The following DGKB variants were observed in gnomAD, a reference collection of about 807,000 sequenced individuals.
The protein encoded by DGKB is 90 kDa diacylglycerol kinase.
In DGKB, 67 loss-of-function variants were observed where a neutral mutation model predicts 114.3. The ratio of observed to expected loss-of-function variants is 0.59; its 90% confidence interval spans 0.48 to 0.72. The LOEUF (loss-of-function observed/expected upper bound fraction) is 0.72, where lower values mean the gene tolerates loss of function less well. Among genes scored for constraint, DGKB ranks in the 30% least tolerant of loss-of-function variants. The pLI is 0.00. For synonymous variants in DGKB, 398 were observed against 323.1 expected (o/e 1.23, Z -2.49); for missense variants, 907 against 975.2 (o/e 0.93, Z 0.93).
intron 6 of DGKB, among the ~76,000 whole-genome samples, chr7:14,712,845 A>G (rs1183087166): frequency 6.6e-6 from 1 of 152,084 alleles, no homozygotes; most frequent in African/African-American, 2.4e-5. Context: ...CAAATTATAT[A>G]GTAAGACTAT....
chr7:14,456,258 TA>T (rs1324930868), intron 21 of DGKB, among the ~76,000 whole-genome samples: 2 of 151,992 alleles, frequency 1.3e-5, no homozygotes, highest in Admixed American at 6.6e-5. Flanking sequence ...TCCCAAAATA[TA>T]AAAAAGTCTG....
At chr7:14,515,096 G>C (rs919302983) in intron 20 of DGKB, among the ~76,000 whole-genome samples, 1 of 152,146 alleles carries the variant, frequency 6.6e-6, no homozygotes, top group Admixed American at 6.6e-5. Flanking sequence ...CCAACTCAGA[G>C]CTGAGACGTT....
At chr7:14,348,616 C>A (rs1468159001) in intron 21 of DGKB, among the ~76,000 whole-genome samples, 1 of 151,716 alleles carries the variant, frequency 6.6e-6, no homozygotes, top group Admixed American at 6.6e-5. Context: ...TAAAAAAAAT[C>A]TTGAATATAT....
intron 8 of DGKB, among the ~76,000 whole-genome samples, chr7:14,694,967 A>G (rs575582014): frequency 6.6e-6 from 1 of 152,350 alleles, no homozygotes; most frequent in Non-Finnish European, 1.5e-5. Context: ...TAATGGCGTC[A>G]AGATGGCAAA....
intron 20 of DGKB, among the ~76,000 whole-genome samples, chr7:14,552,564 T>C (rs903935190): frequency 6.6e-6 from 1 of 152,216 alleles, no homozygotes; most frequent in Admixed American, 6.5e-5. Flanking sequence ...CCCTATTTCA[T>C]TGTTGCACAT....
At chr7:14,581,548 C>T (rs190936596) in intron 18 of DGKB, among the ~76,000 whole-genome samples, 2 of 152,188 alleles carry the variant, frequency 1.3e-5, no homozygotes, top group Non-Finnish European at 1.5e-5. Flanking sequence ...ATCTTTACAT[C>T]ACATAATGCT....
At chr7:14,660,658 C>G (rs1816862768) in intron 13 of DGKB, among the ~76,000 whole-genome samples, 1 of 151,720 alleles carries the variant, frequency 6.6e-6, no homozygotes, top group Non-Finnish European at 1.5e-5. Context: ...GATGCCATCC[C>G]CATCAAGCTA....
intron 1 of DGKB, among the ~76,000 whole-genome samples, chr7:14,896,828 TG>T (rs895614500): frequency 5.3e-5 from 8 of 151,748 alleles, no homozygotes; most frequent in Non-Finnish European, 1.2e-4. Flanking sequence ...CCTAAGAAAA[TG>T]ATGAAACTCA....
At chr7:14,603,008 T>C (rs1275655366) in intron 17 of DGKB, among the ~76,000 whole-genome samples, 1 of 152,156 alleles carries the variant, frequency 6.6e-6, no homozygotes, top group Non-Finnish European at 1.5e-5. Flanking sequence ...TCATAGTGCA[T>C]TTGTGGATGC....
At chr7:14,287,482 C>A (rs1012474637) in intron 23 of DGKB, among the ~76,000 whole-genome samples, 8 of 152,060 alleles carry the variant, frequency 5.3e-5, no homozygotes, top group African/African-American at 1.4e-4. Flanking sequence ...TTGGTAAATG[C>A]ACAATGAAGA....
chr7:14,452,292 T>C (rs1055729916), intron 21 of DGKB, among the ~76,000 whole-genome samples: 1 of 152,086 alleles, frequency 6.6e-6, no homozygotes, highest in Non-Finnish European at 1.5e-5. Flanking sequence ...AATAGGTTTC[T>C]CAGAATGTAA....
intron 21 of DGKB, among the ~76,000 whole-genome samples, chr7:14,365,791 T>C (rs1334621412): frequency 1.3e-5 from 2 of 152,074 alleles, no homozygotes; most frequent in Admixed American, 6.6e-5. Flanking sequence ...AAAAATATAA[T>C]TAGCACAAAA....
intron 20 of DGKB, among the ~76,000 whole-genome samples, chr7:14,483,696 C>T (rs565797587): frequency 2.6e-5 from 4 of 152,154 alleles, no homozygotes; most frequent in Admixed American, 6.5e-5. Context: ...CCAGGTGGGA[C>T]GTAATTCCCT....
intron 9 of DGKB, among the ~76,000 whole-genome samples, chr7:14,688,421 A>T (rs1205623701): frequency 1.3e-5 from 2 of 152,174 alleles, no homozygotes; most frequent in East Asian, 3.9e-4. Flanking sequence ...GTGAGGTTTC[A>T]TTATACAACA....
At chr7:14,368,062 C>A (rs1255775584) in intron 21 of DGKB, among the ~76,000 whole-genome samples, 1 of 151,900 alleles carries the variant, frequency 6.6e-6, no homozygotes, top group Non-Finnish European at 1.5e-5. Context: ...AAATAGAATT[C>A]ATTTTATTTG....
At chr7:14,880,389 C>T (rs192922964) in intron 1 of DGKB, among the ~76,000 whole-genome samples, 6 of 152,036 alleles carry the variant, frequency 3.9e-5, no homozygotes, top group African/African-American at 7.2e-5. Context: ...ACCTGGGAGG[C>T]GTAGGTTGCT....
At chr7:14,836,960 A>T (rs1847248555) in intron 2 of DGKB, among the ~76,000 whole-genome samples, 1 of 152,254 alleles carries the variant, frequency 6.6e-6, no homozygotes, top group Admixed American at 6.5e-5. Context: ...TCAAACAGCC[A>T]GAAGAACACA....
intron 21 of DGKB, among the ~76,000 whole-genome samples, chr7:14,382,018 G>A (rs1466429617): frequency 3.9e-5 from 6 of 152,128 alleles, no homozygotes; most frequent in Non-Finnish European, 8.8e-5. Flanking sequence ...TTATGCATTT[G>A]ACATGAATTC....
At chr7:14,184,084 T>A (rs1334320603) in intron 23 of DGKB, among the ~76,000 whole-genome samples, 1 of 152,096 alleles carries the variant, frequency 6.6e-6, no homozygotes, top group East Asian at 1.9e-4. Flanking sequence ...TGAGTCAATT[T>A]GGAAAGCTAA....
Sources: allele counts gnomAD v4.1 joint callset (sites outside exome capture counted in the v4.1 genomes callset), GRCh38; gene constraint gnomAD v4.1.1; transcripts MANE v1.5; gene names NCBI Gene and HGNC (gene_info 2026-07-23, HGNC 2026-07-21).